The following ZNF708 variants were observed in gnomAD, a reference collection of about 807,000 sequenced individuals.
ZNF708 encodes the protein zinc finger protein 708, also known as ZNF15, ZNF15L1.
In ZNF708, 44 loss-of-function variants were observed where a neutral mutation model predicts 47.0. The ratio of observed to expected loss-of-function variants is 0.94; its 90% CI spans 0.74 to 1.20. The LOEUF is 1.20. Among genes scored for constraint, ZNF708 ranks in the 50% most tolerant of loss-of-function variants. ZNF708 has a pLI of 0.00. For missense variants in ZNF708, 557 were observed against 656.0 expected (o/e 0.85, Z 1.65); for synonymous variants, 184 against 218.5 (o/e 0.84, Z 1.39).
rs879483978 is a variant in ZNF708, at chr19:21,305,017, C to CT, written c.226+4228dup. Among the ~76,000 whole-genome samples, 470 of 145,554 alleles carry CT rather than the reference C, an allele frequency of 3.2e-3. 2 individuals carry two copies. The highest frequency in any genetic ancestry group is 9.8e-3 in the African/African-American group (393 of 40,068). The stretch of plus-strand genomic sequence containing the variant: ...ATTAAAACACACTCTTCAACAGATT[C>CT]TTTTTTTTTTTTGAGATGGAGTCTC... On this transcript the variant is annotated intron_variant, in intron 3 of 3. Transcript: ENST00000356929.
chr19:21,309,180 G>A, intron 3 of ZNF708, 66 bp downstream of exon 3: 3 of 1,391,746 alleles, frequency 2.2e-6, no homozygotes, highest in Non-Finnish European at 2.9e-6. Context: ...AAATTTTAAG[G>A]ACTGGTTTTC....
chr19:21,306,234 G>T (rs115087254), intron 3 of ZNF708, among the ~76,000 whole-genome samples: 441 of 152,158 alleles, frequency 2.9e-3, no homozygotes, highest in Non-Finnish European at 5.2e-3. Context: ...AGATTTAACT[G>T]CATTATACTT....
intron 3 of ZNF708, among the ~76,000 whole-genome samples, chr19:21,305,056 G>A (rs1352107244): frequency 6.6e-6 from 1 of 151,954 alleles, no homozygotes; most frequent in African/African-American, 2.4e-5. Flanking sequence ...CTGTTGCCAG[G>A]CTGGAGTGCA....
Position 21,294,302 on chromosome 19 carries a change from T to C in ZNF708, c.664A>G (p.Lys222Glu), listed in dbSNP as rs1660096056. Residue 222 changes from lysine to glutamate, a missense_variant, in exon 4 of 4, where the codon AAA (lysine) becomes GAA (glutamate). By Grantham distance (56) the Lys-to-Glu change is moderately conservative (BLOSUM62 1). Transcript: ENST00000356929. ...TNHKIIHTGEKPYKCEECGKA... is the reference protein window; with the variant it reads ...TNHKIIHTGEEPYKCEECGKA... ...CCACATTCTTCACATTTGTAGGGTTTCTCTCCAGTATGAATTATCTTATGA... is the reference window on the plus strand; with the variant it reads ...CCACATTCTTCACATTTGTAGGGTTCCTCTCCAGTATGAATTATCTTATGA... 6.2e-7 allele frequency: 1 copy of C among 1,613,124 alleles called. No homozygotes were observed. The highest frequency in any genetic ancestry group is 1.3e-5 in the African/African-American group (1 of 74,932).
chr19:21,295,909 ATAAAT>A (rs893888830), intron 3 of ZNF708, among the ~76,000 whole-genome samples: 14 of 152,204 alleles, frequency 9.2e-5, no homozygotes, highest in African/African-American at 2.9e-4. Context: ...TCAATTTAAA[ATAAAT>A]TAAATACTAC....
chr19:21,328,141 C>T (rs1973299854), intron 1 of ZNF708: 1 of 279,020 alleles, frequency 3.6e-6, no homozygotes. Flanking sequence ...AAAACCTTCA[C>T]CTGAAAACAA....
chr19:21,325,512 T>C (rs1973237913), intron 1 of ZNF708, among the ~76,000 whole-genome samples: 1 of 152,126 alleles, frequency 6.6e-6, no homozygotes. Flanking sequence ...TGGCTAGCCA[T>C]ATGTAGGAGA....
At chr19:21,294,822 A>C in intron 3 of ZNF708, 83 bp from the exon 4 acceptor site, 4 of 1,331,346 alleles carry the variant, frequency 3.0e-6, no homozygotes, top group Non-Finnish European at 4.0e-6. Flanking sequence ...CAACTATATA[A>C]ACAAGATGAC....
intron 1 of ZNF708, among the ~76,000 whole-genome samples, chr19:21,328,461 G>C (rs558863626): frequency 6.6e-6 from 1 of 152,178 alleles, no homozygotes. Context: ...TCTAACTGCA[G>C]GCCAGAGTTA....
rs1412346189 is a variant in ZNF708, at chr19:21,292,906, CAAGT to C, written c.*364_*367del. ...TAGTAAGAATTATCTTACCTACAATCAAGTGTGACAATCATTTAAAGATTTTGTC... is the reference window on the plus strand; with the variant it reads ...TAGTAAGAATTATCTTACCTACAATCGTGACAATCATTTAAAGATTTTGTC... On this transcript the variant is annotated 3_prime_UTR_variant, in exon 4 of 4. Transcript: ENST00000356929. 1.0e-5 allele frequency: 2 copies of C among 191,022 alleles called. No homozygotes were observed. Among genetic ancestry groups the C allele is most frequent in the African/African-American group, 4.7e-5 (2 of 42,132 alleles). 11.8% of individuals were successfully genotyped at this position (191,022 alleles called of 1,614,324 possible). A position where few individuals can be genotyped will look rare whatever the true frequency, so the allele number is the denominator to read the frequency against.
chr19:21,307,012 A>AAACAT (rs1352238848), intron 3 of ZNF708: 6 of 144,016 alleles, frequency 4.2e-5, no homozygotes, highest in East Asian at 2.0e-4. Flanking sequence ...ACATAACATA[A>AAACAT]AACATAACAT....
intron 1 of ZNF708, among the ~76,000 whole-genome samples, chr19:21,314,614 T>C (rs532243289): frequency 2.6e-5 from 4 of 152,318 alleles, no homozygotes; most frequent in Non-Finnish European, 4.4e-5. Context: ...GTAGAAACCA[T>C]GACTGCTTCA....
chr19:21,293,551 C>T lies in ZNF708; in HGVS notation c.1415G>A (p.Gly472Glu). Residue 472 changes from glycine (G) to glutamate (E), a missense_variant, in exon 4 of 4, where the codon GGA (glycine) becomes GAA (glutamate). Gly to Glu is a moderately conservative substitution (Grantham distance 98, BLOSUM62 -2). Coordinates refer to ENST00000356929, the MANE Select transcript of ZNF708 (RefSeq NM_021269.3). ...NFTNHKKIHT[G>E]EKPYKCEECG... ...TTCTTCACACTTATAGGGTTTCTCT[C>T]CAGTATGAATTTTTTTATGATTAGT... The T allele has an allele frequency of 6.2e-7, 1 of 1,612,350 alleles. No individual in the cohort carries two copies. The highest frequency in any genetic ancestry group is 8.5e-7 in the Non-Finnish European group (1 of 1,179,572).
At chr19:21,302,061 A>C (rs925817260) in intron 3 of ZNF708, among the ~76,000 whole-genome samples, 1 of 152,200 alleles carries the variant, frequency 6.6e-6, no homozygotes, top group African/African-American at 2.4e-5. Context: ...TAGGAGTTCA[A>C]GATCAGCCTG....
At chr19:21,309,746 C>T (rs1313894343) in intron 2 of ZNF708, among the ~76,000 whole-genome samples, 1 of 151,968 alleles carries the variant, frequency 6.6e-6, no homozygotes, top group Non-Finnish European at 1.5e-5. Context: ...ATAGAATATT[C>T]TAGTATATTA....
chr19:21,297,264 ATATATATTTTTTTTTTTTTTT>A (rs1213103665), intron 3 of ZNF708, among the ~76,000 whole-genome samples: 9 of 14,000 alleles, frequency 6.4e-4, no homozygotes, highest in South Asian at 3.4e-3. Flanking sequence ...ATATATATAT[ATATATATTTTTTTTTTTTTTT>A]TTTTTTTTTT....
At chr19:21,307,559 T>C (rs558621002) in intron 3 of ZNF708, among the ~76,000 whole-genome samples, 1 of 151,962 alleles carries the variant, frequency 6.6e-6, no homozygotes, top group African/African-American at 2.4e-5. Flanking sequence ...GAGGCGGAGG[T>C]TGCAGTGAGC....
At chr19:21,297,262 ATATATATATTTTTTTTTTT>A (rs1297534470) in intron 3 of ZNF708, among the ~76,000 whole-genome samples, 18 of 14,164 alleles carry the variant, frequency 1.3e-3, no homozygotes, top group Non-Finnish European at 2.2e-3. Context: ...ATATATATAT[ATATATATATTTTTTTTTTT>A]TTTTTTTTTT....
intron 1 of ZNF708, among the ~76,000 whole-genome samples, chr19:21,324,404 C>A (rs766294526): frequency 1.8e-3 from 275 of 152,110 alleles, no homozygotes; most frequent in Non-Finnish European, 2.2e-3. Flanking sequence ...CCCGTCTCTA[C>A]TAAAAATACA....
Sources: allele counts gnomAD v4.1 joint callset (sites outside exome capture counted in the v4.1 genomes callset), GRCh38; gene constraint gnomAD v4.1.1; transcripts MANE v1.5; gene names NCBI Gene and HGNC (gene_info 2026-07-23, HGNC 2026-07-21).